The following CENPE variants were observed in gnomAD, a reference collection of about 807,000 sequenced individuals.
CENPE encodes the protein centromere-associated protein E.
A neutral mutation model predicts 336.1 loss-of-function variants in CENPE; 145 were observed. The observed-to-expected ratio is 0.43, with a 90% confidence interval of 0.38 to 0.50. The LOEUF is 0.50. Ranked by LOEUF, CENPE falls within the 20% of genes least tolerant of loss-of-function variation. The pLI is 0.00. For synonymous variants in CENPE, 1,013 were observed against 984.8 expected, an observed-to-expected ratio of 1.03 and a Z score of -0.54; for missense variants, 2,719 against 3,023.3, an observed-to-expected ratio of 0.90 and a Z score of 2.36.
chr4:103,144,995 T>C, intron 32 of CENPE, 55 bp downstream of exon 32: 2 of 1,379,110 alleles, frequency 1.5e-6, no homozygotes, highest in African/African-American at 2.9e-5. Context: ...ACCGTCATTA[T>C]CACCTTAACA....
chr4:103,130,462 T>C (rs1411956216), intron 42 of CENPE, among the ~76,000 whole-genome samples: 1 of 152,044 alleles, frequency 6.6e-6, no homozygotes, highest in Non-Finnish European at 1.5e-5. Flanking sequence ...ATCTAACAAA[T>C]ATGTACAAGA....
chr4:103,139,909 A>G lies in CENPE; in HGVS notation c.6084T>C (p.His2028=). The change falls in exon 38 of 49, where the codon CAT becomes CAC. Residue 2028 remains histidine, a synonymous_variant. Transcript: ENST00000265148. ...MDNFQLTKKL[H]ESLEEIRIVA... ...CAATTCTTATTTCTTCAAGGCTTTC[A>G]TGAAGTTTCTTAGTCAACTGGAAGT... The G allele has an allele frequency of 1.2e-6, 2 of 1,613,370 alleles. No homozygotes were observed. Among genetic ancestry groups the G allele is most frequent in the Non-Finnish European group, 1.7e-6 (2 of 1,179,620 alleles).
chr4:103,172,324 T>A (rs754125047), intron 16 of CENPE, among the ~76,000 whole-genome samples: 3 of 151,894 alleles, frequency 2.0e-5, no homozygotes, highest in Non-Finnish European at 2.9e-5. Flanking sequence ...AAACATGACA[T>A]ACCGCATTAA....
chr4:103,141,911 T>G lies in CENPE; in HGVS notation c.5305-3A>C. 1 of 1,568,936 alleles carries G rather than the reference T, an allele frequency of 6.4e-7. No individual in the cohort carries two copies. Among genetic ancestry groups the G allele is most frequent in the East Asian group, 2.3e-5 (1 of 44,152 alleles). On this transcript the variant is annotated splice_region_variant and splice_polypyrimidine_tract_variant and intron_variant, in intron 34 of 48. Transcript: ENST00000265148. ...AGTTCCTCTTGTATTTTCAGATCCT[T>G]TACCATTAGAGAAATTTTAAAAACA...
intron 16 of CENPE, among the ~76,000 whole-genome samples, chr4:103,164,481 T>A (rs1009749526): frequency 2.0e-5 from 3 of 152,112 alleles, no homozygotes; most frequent in African/African-American, 4.8e-5. Context: ...TTGACATTAC[T>A]ATTTTAGGTC....
In CENPE at chr4:103,108,954, T is replaced by G; in HGVS notation, c.7860A>C (p.Gln2620His). 2 of 1,613,902 alleles carry G rather than the reference T, an allele frequency of 1.2e-6. No individual in the cohort carries two copies. Among genetic ancestry groups the G allele is most frequent in the Non-Finnish European group, 1.7e-6 (2 of 1,179,858 alleles). ...KVTGTASKKK[Q>H]ITPSQCKERN... ...GTTCCTTGCATTGAGAGGGTGTAAT[T>G]TGTTTCTTTTTAGAAGCTGTTCCAG... The change falls in exon 48 of 49, where the codon CAA becomes CAC. Residue 2620 changes from glutamine to histidine, a missense_variant. Transcript: ENST00000265148.
At position 103,114,509 on chromosome 4, in the gene CENPE, T is replaced by A. The variant is rs1749905311; in HGVS notation, c.7486A>T (p.Ile2496Leu). 3.7e-6 allele frequency: 6 copies of A among 1,611,654 alleles called. No homozygotes were observed. Among genetic ancestry groups the A allele is most frequent in the African/African-American group, 1.3e-5 (1 of 74,910 alleles). Residue 2496 changes from isoleucine to leucine, a missense_variant, in exon 46 of 49, where the codon ATA becomes TTA. Around this residue, in one of 5 missense-constraint regions of CENPE, gnomAD observed 2,437 missense variants for 2,513.3 expected, o/e 0.97. Transcript: ENST00000265148. ...CTGAGATTTTCTCTCAATAGCCTTA[T>A]AACTTCCTTTTGATATTCTACAGTG... ...KATVEYQKEV[I>L]RLLRENLRRS...
At chr4:103,140,755 CT>C (rs1752483202) in intron 36 of CENPE, 58 bp downstream of exon 36, 1 of 1,417,310 alleles carries the variant, frequency 7.1e-7, no homozygotes, top group African/African-American at 1.4e-5. Flanking sequence ...GCAGTGAACA[CT>C]GTATTTTTGC....
At chr4:103,144,248 A>G in intron 33 of CENPE, 83 bp downstream of exon 33, 1 of 1,275,768 alleles carries the variant, frequency 7.8e-7, no homozygotes, top group Non-Finnish European at 1.1e-6. Context: ...GACCAATTTT[A>G]TACTCCCACC....
Position 103,153,144 on chromosome 4 carries a change from G to GCT in CENPE, c.3139_3140insAG (p.Ser1047Ter). 6.2e-7 allele frequency: 1 copy of GCT among 1,612,494 alleles called. No homozygotes were observed. The change falls in exon 25 of 49, where the codon TCT becomes TAGCT. Residue 1047 changes from serine to a stop codon, truncating the protein, a stop_gained and frameshift_variant. Coordinates refer to ENST00000265148, the MANE Select transcript of CENPE (RefSeq NM_001813.3). LOFTEE classifies it high-confidence loss of function. ...GAGTTCATTTTTCTCCTGTATTAAA[G>GCT]AAAATATCTTCCTTTGTTGCTCAAT... ...EIIEQQRKIFSLIQEKNELQQ... is the reference protein window; with the variant it reads ...EIIEQQRKIF
chr4:103,135,590 A>G (rs1378793232), intron 40 of CENPE, among the ~76,000 whole-genome samples: 2 of 152,138 alleles, frequency 1.3e-5, no homozygotes, highest in Non-Finnish European at 2.9e-5. Flanking sequence ...ACAGTCACAT[A>G]TAATATCTCA....
intron 41 of CENPE, 110 bp downstream of exon 41, chr4:103,133,585 G>T: frequency 1.3e-6 from 1 of 755,152 alleles, no homozygotes. Context: ...ACTCTGCAAC[G>T]TATTTTTAAT....
intron 46 of CENPE, among the ~76,000 whole-genome samples, chr4:103,112,498 G>A (rs183492163): frequency 7.0e-6 from 1 of 142,450 alleles, no homozygotes; most frequent in African/African-American, 2.6e-5. Flanking sequence ...GTATACTTAT[G>A]TATACATGTA....
intron 11 of CENPE, 166 bp from the exon 12 acceptor site, chr4:103,181,622 T>C (rs971961768): frequency 2.2e-6 from 1 of 464,976 alleles, no homozygotes; most frequent in Non-Finnish European, 3.7e-6. Context: ...ATAACAATGC[T>C]CTGTAACTTA....
intron 8 of CENPE, among the ~76,000 whole-genome samples, chr4:103,189,409 A>C (rs1178814233): frequency 6.6e-6 from 1 of 152,104 alleles, no homozygotes; most frequent in African/African-American, 2.4e-5. Context: ...ACTGGCAAAC[A>C]GAATCCAGCA....
rs750686095 is a variant in CENPE, at chr4:103,196,213, T to A, written c.188A>T (p.Tyr63Phe). Reference sequence around the variant, plus strand: ...GATGATTGGTGCTGCTATTTCTTCATACACATTTTTGGTAGTTTCATTACC... The same window carrying A: ...GATGATTGGTGCTGCTATTTCTTCAAACACATTTTTGGTAGTTTCATTACC... ...FHGNETTKNV[Y>F]EEIAAPIIDS... The change falls in exon 3 of 49, where the codon TAT becomes TTT. Residue 63 changes from tyrosine (Y) to phenylalanine (F), a missense_variant. Physicochemically the swap from Tyr to Phe is conservative, Grantham distance 22. Around this residue, in one of 5 missense-constraint regions of CENPE, gnomAD observed 106 missense variants for 189.3 expected, o/e 0.56. Coordinates refer to ENST00000265148, the MANE Select transcript of CENPE (RefSeq NM_001813.3). The A allele has an allele frequency of 1.9e-6, 3 of 1,613,656 alleles. No homozygotes were observed. The highest frequency in any genetic ancestry group is 1.6e-4 in the Middle Eastern group (1 of 6,082).
chr4:103,173,027 AC>A (rs1025959988), intron 16 of CENPE, among the ~76,000 whole-genome samples: 1 of 152,008 alleles, frequency 6.6e-6, no homozygotes, highest in African/African-American at 2.4e-5. Context: ...TTCGTATGGA[AC>A]CCCAAAAGAC....
chr4:103,198,124 G>GT (rs1401870196), intron 1 of CENPE, 140 bp downstream of exon 1: 1 of 754,886 alleles, frequency 1.3e-6, no homozygotes, highest in Admixed American at 2.7e-5. Context: ...TACAGACCCT[G>GT]AAACGATGGC....
At chr4:103,141,984 C>T (rs1369288847) in intron 34 of CENPE, 76 bp from the exon 35 acceptor site, 6 of 940,026 alleles carry the variant, frequency 6.4e-6, no homozygotes, top group Non-Finnish European at 9.5e-6. Flanking sequence ...GATATATTTT[C>T]TTAGTAAAAA....
Sources: gnomAD v4.1 joint callset for allele counts (sites outside exome capture counted in the v4.1 genomes callset) on GRCh38, gnomAD v4.1.1 for gene constraint, gnomAD v4.1.1 regional missense constraint, MANE v1.5 for transcripts, NCBI Gene and HGNC (gene_info 2026-07-23, HGNC 2026-07-21) for gene names.